Variants in MIPOL1 observed in about 807,000 individuals in gnomAD.
The protein encoded by MIPOL1 is mirror-image polydactyly 1, also known as mirror-image polydactyly gene 1 protein.
In MIPOL1, 57 loss-of-function variants were observed where a neutral mutation model predicts 60.9. That is an observed-to-expected ratio of 0.94 (90% confidence interval 0.76 to 1.17). MIPOL1 has a LOEUF of 1.17. Among genes scored for constraint, MIPOL1 ranks in the 50% most tolerant of loss-of-function variants. The probability of loss-of-function intolerance (pLI) is 0.00; values close to 1 mark genes in which losing one functional copy is unlikely to be tolerated. For synonymous variants in MIPOL1, 179 were observed against 168.8 expected (o/e 1.06, Z -0.47); for missense variants, 551 against 511.6 (o/e 1.08, Z -0.74).
At chr14:37,518,181 T>C (rs2095385183) in intron 12 of MIPOL1, among the ~76,000 whole-genome samples, 1 of 152,154 alleles carries the variant, frequency 6.6e-6, no homozygotes, top group Non-Finnish European at 1.5e-5. Flanking sequence ...TTAGCCCTAC[T>C]GGTATTAATA....
At chr14:37,265,658 C>T (rs2082824039) in intron 3 of MIPOL1, among the ~76,000 whole-genome samples, 1 of 152,040 alleles carries the variant, frequency 6.6e-6, no homozygotes. Flanking sequence ...GTCAAAAAAA[C>T]AAGACAGGCA....
intron 10 of MIPOL1, among the ~76,000 whole-genome samples, chr14:37,381,025 G>A (rs913749462): frequency 6.6e-6 from 1 of 152,048 alleles, no homozygotes; most frequent in South Asian, 2.1e-4. Context: ...ACTTTGTTCA[G>A]CTAATACCTA....
chr14:37,213,182 A>G (rs1966989559), intron 1 of MIPOL1, among the ~76,000 whole-genome samples: 3 of 152,138 alleles, frequency 2.0e-5, no homozygotes, highest in Admixed American at 2.0e-4. Flanking sequence ...ATACATGTAC[A>G]CTATTCAGGA....
intron 1 of MIPOL1, among the ~76,000 whole-genome samples, chr14:37,244,003 A>ATCAGATATAT (rs1478441740): frequency 6.7e-6 from 1 of 149,922 alleles, no homozygotes; most frequent in African/African-American, 2.5e-5. Flanking sequence ...AGGAAACTTT[A>ATCAGATATAT]TCAGATATAT....
chr14:37,347,362 A>G (rs565955878), intron 9 of MIPOL1, among the ~76,000 whole-genome samples: 1 of 152,316 alleles, frequency 6.6e-6, no homozygotes, highest in Non-Finnish European at 1.5e-5. Context: ...GAAATTAAAA[A>G]ATATGTGAAT....
chr14:37,538,896 T>C (rs2095518104), intron 12 of MIPOL1, among the ~76,000 whole-genome samples: 1 of 152,138 alleles, frequency 6.6e-6, no homozygotes, highest in Non-Finnish European at 1.5e-5. Context: ...CTTGAGTGAT[T>C]CCAGGCAAGG....
chr14:37,302,230 A>T (rs1218281495), intron 7 of MIPOL1, among the ~76,000 whole-genome samples: 2 of 146,252 alleles, frequency 1.4e-5, no homozygotes, highest in African/African-American at 5.0e-5. Context: ...GTTGCTGTAT[A>T]TCCAAGGAAT....
intron 1 of MIPOL1, among the ~76,000 whole-genome samples, chr14:37,222,931 A>G (rs1969059695): frequency 1.3e-5 from 2 of 152,222 alleles, no homozygotes; most frequent in African/African-American, 2.4e-5. Context: ...TATAACAAAT[A>G]CCACAGGCTG....
At chr14:37,369,399 C>CAA (rs35277854) in intron 9 of MIPOL1, 118 bp from the exon 10 acceptor site, 32,533 of 353,904 alleles carry the variant, frequency 0.092, no homozygotes, top group East Asian at 0.12. Context: ...ATTCTTGTTG[C>CAA]AAAAAAAAAA....
rs142185139 is a variant in MIPOL1 at position 37,229,085 on chromosome 14, A to G, written c.-198-18018A>G. 3.4e-3 allele frequency among the ~76,000 whole-genome samples: 525 copies of G among 152,334 alleles called. 3 individuals are homozygous for G. Among genetic ancestry groups the G allele is most frequent in the African/African-American group, 0.012 (514 of 41,562 alleles). Reference sequence around the variant, plus strand: ...TAAACATATATATACTTTTCTAGGTATTGTGCAAAACAGGCACTAGAGACA... The same window carrying G: ...TAAACATATATATACTTTTCTAGGTGTTGTGCAAAACAGGCACTAGAGACA... On this transcript the variant is annotated intron_variant, in intron 1 of 12. Coordinates refer to ENST00000684589, the MANE Select transcript of MIPOL1 (RefSeq NM_001388067.1).
chr14:37,212,721 C>T (rs895349953), intron 1 of MIPOL1, among the ~76,000 whole-genome samples: 4 of 152,130 alleles, frequency 2.6e-5, no homozygotes, highest in African/African-American at 9.7e-5. Flanking sequence ...CTTGAGCGAA[C>T]GTAGGCTGTA....
chr14:37,290,350 C>T, intron 7 of MIPOL1, among the ~76,000 whole-genome samples: 1 of 152,028 alleles, frequency 6.6e-6, no homozygotes, highest in East Asian at 1.9e-4. Flanking sequence ...CTCAGCCTCC[C>T]AAGTAACTGG....
chr14:37,483,534 A>T (rs1233180253), intron 11 of MIPOL1, among the ~76,000 whole-genome samples: 1 of 152,198 alleles, frequency 6.6e-6, no homozygotes, highest in Admixed American at 6.5e-5. Context: ...CAGAGGGCCA[A>T]CTGTATAGCC....
In MIPOL1 at chr14:37,379,815, G is replaced by C. The variant is rs1050297850; in HGVS notation, c.936+10191G>C. The stretch of plus-strand genomic sequence containing the variant: ...ATTAAGTAAAAGTGGGAAGGTTAGT[G>C]TATAATGTGTATGTAATACTGAGGA... On this transcript the variant is annotated intron_variant, in intron 10 of 12. Coordinates refer to ENST00000684589, the MANE Select transcript of MIPOL1 (RefSeq NM_001388067.1). Among the ~76,000 whole-genome samples the C allele has an allele frequency of 6.6e-5, 10 of 152,172 alleles. 1 individual carries two copies. The highest frequency in any genetic ancestry group is 2.4e-4 in the African/African-American group (10 of 41,558).
chr14:37,379,369 A>T (rs529396901), intron 10 of MIPOL1, among the ~76,000 whole-genome samples: 1 of 152,238 alleles, frequency 6.6e-6, no homozygotes, highest in Non-Finnish European at 1.5e-5. Context: ...TCCTAGAAGA[A>T]AAAACATAAC....
chr14:37,342,996 A>G (rs1423634457), intron 9 of MIPOL1, among the ~76,000 whole-genome samples: 1 of 149,812 alleles, frequency 6.7e-6, no homozygotes, highest in Non-Finnish European at 1.5e-5. Context: ...TAAAATATAT[A>G]TTTATATATA....
At chr14:37,443,520 T>C (rs2153568156) in intron 11 of MIPOL1, among the ~76,000 whole-genome samples, 1 of 147,112 alleles carries the variant, frequency 6.8e-6, no homozygotes, top group South Asian at 2.2e-4. Context: ...ATTCATAATT[T>C]AAAACATTTT....
chr14:37,292,692 G>T (rs1007573061), intron 7 of MIPOL1, among the ~76,000 whole-genome samples: 8 of 151,658 alleles, frequency 5.3e-5, no homozygotes, highest in Admixed American at 4.6e-4. Flanking sequence ...TGTTGACCAG[G>T]CTGGTCTCAA....
intron 12 of MIPOL1, among the ~76,000 whole-genome samples, chr14:37,526,632 C>G (rs925762097): frequency 9.9e-5 from 15 of 151,524 alleles, no homozygotes; most frequent in Non-Finnish European, 1.9e-4. Flanking sequence ...CTGCCTGCCT[C>G]AGCCTCCCAA....
Sources: gnomAD v4.1 joint callset for allele counts (sites outside exome capture counted in the v4.1 genomes callset) on GRCh38, gnomAD v4.1.1 for gene constraint, MANE v1.5 for transcripts, NCBI Gene and HGNC (gene_info 2026-07-23, HGNC 2026-07-21) for gene names.